RNF170: variants seen among roughly 807,000 people sequenced by gnomAD.
RNF170 encodes E3 ubiquitin-protein ligase RNF170.
A neutral mutation model predicts 32.7 loss-of-function variants in RNF170; 12 were observed. The ratio of observed to expected loss-of-function variants is 0.37; its 90% CI spans 0.24 to 0.60. RNF170 has a LOEUF of 0.60. RNF170 is among the 20% of genes least tolerant of loss of function. The pLI, the probability that RNF170 is intolerant of heterozygous loss-of-function variation, is 0.72. For synonymous variants in RNF170, 91 were observed against 103.6 expected (o/e 0.88, Z 0.74); for missense variants, 212 against 311.2 (o/e 0.68, Z 2.40).
At chr8:42,865,751 A>G (rs1804033861) in intron 4 of RNF170, among the ~76,000 whole-genome samples, 1 of 152,222 alleles carries the variant, frequency 6.6e-6, no homozygotes, top group Non-Finnish European at 1.5e-5. Context: ...TGGGAAGCCA[A>G]GCTGGGTGGA....
intron 6 of RNF170, among the ~76,000 whole-genome samples, chr8:42,856,782 AG>A (rs1283517405): frequency 6.6e-6 from 1 of 152,188 alleles, no homozygotes; most frequent in Non-Finnish European, 1.5e-5. Context: ...TCAGCTTTAA[AG>A]TCAGACAGAT....
At chr8:42,876,411 G>A (rs893401075) in intron 2 of RNF170, among the ~76,000 whole-genome samples, 3 of 151,554 alleles carry the variant, frequency 2.0e-5, no homozygotes, top group African/African-American at 7.3e-5. Flanking sequence ...GGTCATGAGG[G>A]TGGTGCCCTT....
At chr8:42,887,586 T>C (rs1338325640) in intron 2 of RNF170, 142 bp downstream of exon 2, 2 of 770,710 alleles carry the variant, frequency 2.6e-6, no homozygotes, top group Non-Finnish European at 4.5e-6. Context: ...CAAAGCCCCG[T>C]GGAAAATAAA....
chr8:42,850,264 C>T (rs572079401), downstream of RNF170: 4 of 167,174 alleles, frequency 2.4e-5, no homozygotes, highest in South Asian at 1.5e-4. Context: ...TGCAGGCTGG[C>T]GTGAGGACTT....
At position 42,861,824 on chromosome 8, in the gene RNF170, T is replaced by A. The variant is rs779745147; in HGVS notation, c.428A>T (p.Asp143Val). Residue 143 changes from aspartate (D) to valine (V), a missense_variant, in exon 6 of 7, where the codon GAT (aspartate) becomes GTT (valine). By Grantham distance (152) the Asp-to-Val change is radical. Coordinates refer to ENST00000527424, the MANE Select transcript of RNF170 (RefSeq NM_030954.4). ...TCTCAGAACATCCTGAGACTGATCA[T>A]CTTCACCAAATACTGTTAGGAGTAA... ...VTLLLTVFGEDDQSQDVLRLH... is the reference protein window; with the variant it reads ...VTLLLTVFGEVDQSQDVLRLH... The A allele has an allele frequency of 5.0e-6, 8 of 1,613,780 alleles. No individual in the cohort carries two copies. The highest frequency in any genetic ancestry group is 2.7e-5 in the African/African-American group (2 of 74,930).
At chr8:42,883,494 G>A (rs868233669) in intron 2 of RNF170, among the ~76,000 whole-genome samples, 18 of 149,396 alleles carry the variant, frequency 1.2e-4, no homozygotes, top group African/African-American at 3.4e-4. Context: ...GCTTGAACCC[G>A]GGAGGCGGAG....
intron 1 of RNF170, chr8:42,889,159 GA>G (rs912091506): frequency 1.3e-5 from 2 of 152,192 alleles, no homozygotes; most frequent in Non-Finnish European, 1.5e-5. Flanking sequence ...TTGTCCACCT[GA>G]AACTAAGCTC....
At chr8:42,865,812 C>T (rs762143227) in intron 4 of RNF170, among the ~76,000 whole-genome samples, 1 of 152,090 alleles carries the variant, frequency 6.6e-6, no homozygotes, top group Non-Finnish European at 1.5e-5. Context: ...GGTGAAACCC[C>T]GTCTCTACTA....
intron 3 of RNF170, among the ~76,000 whole-genome samples, 162 bp from the exon 4 acceptor site, chr8:42,870,274 T>C (rs1804428467): frequency 6.6e-6 from 1 of 152,226 alleles, no homozygotes. Flanking sequence ...GTTATGAGGC[T>C]ATATTGTTTT....
intron 2 of RNF170, 121 bp downstream of exon 2, chr8:42,887,607 A>G (rs1399499963): frequency 4.3e-6 from 4 of 919,632 alleles, no homozygotes; most frequent in Non-Finnish European, 7.2e-6. Context: ...ATACCTTAGT[A>G]AACATCTACA....
intron 3 of RNF170, among the ~76,000 whole-genome samples, chr8:42,872,005 G>A (rs1465451273): frequency 6.6e-6 from 1 of 152,226 alleles, no homozygotes; most frequent in Non-Finnish European, 1.5e-5. Context: ...TTGAAATGTG[G>A]CCAGTGTGAC....
In RNF170 at chr8:42,853,311, A is replaced by C. The variant is rs1410995660; in HGVS notation, c.*2848T>G. 2 of 1,195,056 alleles carry C rather than the reference A, an allele frequency of 1.7e-6. No homozygotes were observed. The highest frequency in any genetic ancestry group is 3.2e-5 in the African/African-American group (2 of 62,702). 74.0% of individuals were successfully genotyped at this position (1,195,056 alleles called of 1,614,324 possible). On this transcript the variant is annotated 3_prime_UTR_variant, in exon 7 of 7. Transcript: ENST00000527424. ...ATAACACCTTTAAAATGTTTTAGAT[A>C]TGTTGCTTTTATTCAAAAGAATAAA... is the stretch of plus-strand genomic sequence containing the variant.
At position 42,855,140 on chromosome 8, in the gene RNF170, C is replaced by T; in HGVS notation, c.*1019G>A. Reference sequence around the variant, plus strand: ...AAAACAATCTTCCCTTTACAAATTACTTTTATATCTACTACGAAAGGATGA... The same window carrying T: ...AAAACAATCTTCCCTTTACAAATTATTTTTATATCTACTACGAAAGGATGA... On this transcript the variant is annotated 3_prime_UTR_variant, in exon 7 of 7. Transcript: ENST00000527424. The T allele has an allele frequency of 2.3e-6, 3 of 1,286,976 alleles. No individual in the cohort carries two copies. The highest frequency in any genetic ancestry group is 3.0e-6 in the Non-Finnish European group (3 of 988,652). 79.7% of individuals were successfully genotyped at this position (1,286,976 alleles called of 1,614,324 possible).
In RNF170 at chr8:42,887,803, CCTT is replaced by C. The variant is rs1805947379; in HGVS notation, c.59_61del (p.Glu20del). 6.2e-7 allele frequency: 1 copy of C among 1,613,770 alleles called. No homozygotes were observed. Among genetic ancestry groups the C allele is most frequent in the Admixed American group, 1.7e-5 (1 of 60,000 alleles). On this transcript the variant is annotated inframe_deletion, in exon 2 of 7. Coordinates refer to ENST00000527424, the MANE Select transcript of RNF170 (RefSeq NM_030954.4). ...TGCCACAAGTACTTGGTCGCTTACTCCTTCTATAACTGAATCATCATCCAGTTT... is the reference window on the plus strand; with the variant it reads ...TGCCACAAGTACTTGGTCGCTTACTCCTATAACTGAATCATCATCCAGTTT...
At chr8:42,850,442 C>T (rs777530056), downstream of RNF170, 13 of 314,928 alleles carry the variant, frequency 4.1e-5, no homozygotes, top group Non-Finnish European at 7.4e-5. Context: ...TAGACCTGGG[C>T]GGCAGCCATG....
chr8:42,853,774 G>C lies in RNF170; in HGVS notation c.*2385C>G, dbSNP rs1246171540. On this transcript the variant is annotated 3_prime_UTR_variant, in exon 7 of 7. Transcript: ENST00000527424. ...AGATCGGTAAAGATGACAACAAGCAGGTCTAAAGTTCTGAGATGTTAGCAC... is the reference window on the plus strand; with the variant it reads ...AGATCGGTAAAGATGACAACAAGCACGTCTAAAGTTCTGAGATGTTAGCAC... 1.6e-6 allele frequency: 2 copies of C among 1,287,100 alleles called. No individual in the cohort carries two copies. Among genetic ancestry groups the C allele is most frequent in the Admixed American group, 4.6e-5 (2 of 43,546 alleles). 79.7% of individuals were successfully genotyped at this position (1,287,100 alleles called of 1,614,324 possible).
intron 2 of RNF170, among the ~76,000 whole-genome samples, chr8:42,881,828 G>A (rs551081906): frequency 5.2e-4 from 79 of 152,228 alleles, no homozygotes; most frequent in African/African-American, 1.8e-3. Context: ...CCAGCTACCC[G>A]GGAGGCTGAG....
chr8:42,869,873 T>C (rs1393449620), intron 4 of RNF170, 131 bp downstream of exon 4: 4 of 714,850 alleles, frequency 5.6e-6, no homozygotes, highest in Non-Finnish European at 1.0e-5. Context: ...TAGAGCAGGA[T>C]ATCAGAGGTA....
Position 42,854,587 on chromosome 8 carries a change from T to C in RNF170, c.*1572A>G, listed in dbSNP as rs758758896. The C allele has an allele frequency of 2.5e-5, 32 of 1,287,144 alleles. No individual in the cohort carries two copies. The highest frequency in any genetic ancestry group is 3.3e-4 in the Middle Eastern group (1 of 3,064). The allele number at this position is 1,287,144 out of a possible 1,614,324, so 79.7% of individuals were successfully genotyped here. On this transcript the variant is annotated 3_prime_UTR_variant, in exon 7 of 7. Transcript: ENST00000527424. ...TAGGTCCAAATTAGAAAAACACATA[T>C]TGATATTTCATTCAGAATCTCATTA...
Sources: gnomAD v4.1 joint callset for allele counts (sites outside exome capture counted in the v4.1 genomes callset) on GRCh38, gnomAD v4.1.1 for gene constraint, MANE v1.5 for transcripts, NCBI Gene and HGNC (gene_info 2026-07-23, HGNC 2026-07-21) for gene names.